Variants in GPC6 observed in about 807,000 individuals in gnomAD.
The protein encoded by GPC6 is glypican-6.
GPC6 carries 14 observed loss-of-function variants against 55.2 expected under a neutral mutation model. The ratio of observed to expected loss-of-function variants is 0.25; its 90% CI spans 0.17 to 0.40. GPC6 has a LOEUF of 0.40. Among genes scored for constraint, GPC6 ranks in the 10% least tolerant of loss-of-function variants. The probability of loss-of-function intolerance (pLI) is 1.00; values close to 1 mark genes in which losing one functional copy is unlikely to be tolerated. For missense variants in GPC6, 641 were observed against 708.5 expected (o/e 0.90, Z 1.08); for synonymous variants, 278 against 259.6 (o/e 1.07, Z -0.68).
At chr13:94,336,626 G>T (rs557812077) in intron 6 of GPC6, among the ~76,000 whole-genome samples, 2 of 152,234 alleles carry the variant, frequency 1.3e-5, no homozygotes, top group East Asian at 3.9e-4. Flanking sequence ...AAGGGTTGGT[G>T]CTCAATATAG....
At chr13:93,243,003 C>T (rs1303859254) in intron 1 of GPC6, among the ~76,000 whole-genome samples, 4 of 152,178 alleles carry the variant, frequency 2.6e-5, no homozygotes, top group African/African-American at 4.8e-5. Flanking sequence ...CCTGCTACTA[C>T]AGGTTGGGAC....
intron 4 of GPC6, among the ~76,000 whole-genome samples, chr13:94,091,820 T>C (rs1460958334): frequency 6.6e-6 from 1 of 151,504 alleles, no homozygotes; most frequent in African/African-American, 2.4e-5. Context: ...AACATAAGAG[T>C]CATAACCCCT....
intron 4 of GPC6, among the ~76,000 whole-genome samples, chr13:94,221,679 A>G (rs1047996191): frequency 6.6e-6 from 1 of 152,106 alleles, no homozygotes; most frequent in Non-Finnish European, 1.5e-5. Context: ...TTTTGCCTTC[A>G]CTGAAGATTT....
intron 4 of GPC6, among the ~76,000 whole-genome samples, chr13:94,132,063 T>G (rs1032791049): frequency 2.6e-5 from 4 of 152,106 alleles, no homozygotes; most frequent in Non-Finnish European, 5.9e-5. Flanking sequence ...CTCCATTTCC[T>G]GTCACACATC....
At chr13:94,043,745 G>C (rs1594690552) in intron 4 of GPC6, among the ~76,000 whole-genome samples, 1 of 151,770 alleles carries the variant, frequency 6.6e-6, no homozygotes, top group Admixed American at 6.6e-5. Context: ...ATGTATATAA[G>C]TTGGAGTTGC....
chr13:93,634,965 A>G (rs538720206), intron 2 of GPC6, among the ~76,000 whole-genome samples: 1 of 152,282 alleles, frequency 6.6e-6, no homozygotes, highest in East Asian at 1.9e-4. Context: ...CTACATGAAT[A>G]TAATGAAGCG....
chr13:93,840,362 C>A (rs370748991), intron 3 of GPC6, among the ~76,000 whole-genome samples: 10 of 152,082 alleles, frequency 6.6e-5, no homozygotes, highest in Admixed American at 5.2e-4. Flanking sequence ...GGATAAATTC[C>A]TGGAAAATAC....
intron 3 of GPC6, among the ~76,000 whole-genome samples, chr13:93,952,876 A>ACG (rs1555344134): frequency 5.5e-5 from 6 of 109,976 alleles, no homozygotes; most frequent in Non-Finnish European, 1.0e-4. Flanking sequence ...ATATATATAC[A>ACG]TATATATATG....
intron 3 of GPC6, among the ~76,000 whole-genome samples, chr13:93,853,339 T>G (rs953137425): frequency 9.2e-5 from 14 of 151,804 alleles, no homozygotes; most frequent in African/African-American, 3.4e-4. Flanking sequence ...GATTTATAAA[T>G]AAGGCAGAAA....
chr13:93,842,103 A>G (rs1887974410), intron 3 of GPC6, among the ~76,000 whole-genome samples: 1 of 152,192 alleles, frequency 6.6e-6, no homozygotes, highest in African/African-American at 2.4e-5. Context: ...ATAAGGAAAT[A>G]CTTATTTCAT....
chr13:93,236,863 C>A (rs1181780554), intron 1 of GPC6, among the ~76,000 whole-genome samples: 2 of 152,110 alleles, frequency 1.3e-5, no homozygotes, highest in Non-Finnish European at 2.9e-5. Flanking sequence ...AGGATAATGG[C>A]CTCCAATTCC....
At chr13:94,038,368 A>G (rs887766445) in intron 4 of GPC6, among the ~76,000 whole-genome samples, 4 of 151,888 alleles carry the variant, frequency 2.6e-5, no homozygotes, top group Non-Finnish European at 2.9e-5. Context: ...GACCTAGACT[A>G]GGCACATACA....
chr13:94,077,663 G>A (rs957986755), intron 4 of GPC6, among the ~76,000 whole-genome samples: 3 of 151,640 alleles, frequency 2.0e-5, no homozygotes, highest in Non-Finnish European at 3.0e-5. Flanking sequence ...AGTTTATTGA[G>A]CATTTTTCAT....
chr13:93,588,756 A>G (rs150330927), intron 2 of GPC6, among the ~76,000 whole-genome samples: 18 of 152,292 alleles, frequency 1.2e-4, no homozygotes, highest in African/African-American at 4.3e-4. Context: ...CCAAACCACT[A>G]GGAATCTGCC....
chr13:93,240,550 C>T (rs1292319381), intron 1 of GPC6, among the ~76,000 whole-genome samples: 2 of 151,996 alleles, frequency 1.3e-5, no homozygotes, highest in African/African-American at 2.4e-5. Flanking sequence ...AAGTGGGTCT[C>T]TTGAAGGCAA....
chr13:93,543,274 G>A (rs911150071), intron 1 of GPC6, among the ~76,000 whole-genome samples: 8 of 152,108 alleles, frequency 5.3e-5, no homozygotes, highest in South Asian at 2.1e-4. Context: ...TGCCTCTATT[G>A]AGATAATCAT....
chr13:93,725,236 G>A (rs938666227), intron 2 of GPC6, among the ~76,000 whole-genome samples: 1 of 151,996 alleles, frequency 6.6e-6, no homozygotes, highest in African/African-American at 2.4e-5. Context: ...TTGGGAGAAG[G>A]CCATGTAGTG....
intron 1 of GPC6, among the ~76,000 whole-genome samples, chr13:93,240,229 C>A (rs1876382332): frequency 6.6e-6 from 1 of 151,854 alleles, no homozygotes; most frequent in Non-Finnish European, 1.5e-5. Flanking sequence ...TGTTGAAGTC[C>A]CCCACTATGA....
chr13:94,371,380 G>A (rs1488631189), intron 6 of GPC6, among the ~76,000 whole-genome samples: 1 of 152,024 alleles, frequency 6.6e-6, no homozygotes, highest in Non-Finnish European at 1.5e-5. Flanking sequence ...AAAAACCATA[G>A]TTATCAACTA....
Sources: gnomAD v4.1 joint callset for allele counts (sites outside exome capture counted in the v4.1 genomes callset) on GRCh38, gnomAD v4.1.1 for gene constraint, MANE v1.5 for transcripts, NCBI Gene and HGNC (gene_info 2026-07-23, HGNC 2026-07-21) for gene names.